RBMS3: variants seen among roughly 807,000 people sequenced by gnomAD.
The protein encoded by RBMS3 is RNA-binding motif, single-stranded-interacting protein 3.
Under a neutral mutation model 66.8 loss-of-function variants are expected in RBMS3, and 27 were observed. The observed-to-expected ratio is 0.40, with a 90% CI of 0.30 to 0.56. The LOEUF is 0.56. Ranked by LOEUF, RBMS3 falls within the 20% of genes least tolerant of loss-of-function variation. The pLI is 0.40. For synonymous variants in RBMS3, 188 were observed against 183.0 expected (o/e 1.03, Z -0.22); for missense variants, 513 against 549.5 (o/e 0.93, Z 0.66).
At chr3:29,692,434 C>T (rs2052067741) in intron 4 of RBMS3, among the ~76,000 whole-genome samples, 2 of 152,040 alleles carry the variant, frequency 1.3e-5, no homozygotes, top group East Asian at 3.9e-4. Flanking sequence ...TAACAATAAG[C>T]ATTATTATGC....
At chr3:29,761,023 ACT>A (rs202092410) in intron 5 of RBMS3, among the ~76,000 whole-genome samples, 2 of 148,078 alleles carry the variant, frequency 1.4e-5, no homozygotes, top group East Asian at 1.9e-4. Context: ...AGTTTCCTAC[ACT>A]CTCTTGTCAT....
At chr3:29,685,151 C>T (rs560902521) in intron 4 of RBMS3, among the ~76,000 whole-genome samples, 25 of 152,164 alleles carry the variant, frequency 1.6e-4, no homozygotes, top group Non-Finnish European at 1.5e-4. Flanking sequence ...CTCCGCCTCC[C>T]GGGTTCACAC....
At chr3:29,461,290 A>G (rs1463769705) in intron 2 of RBMS3, among the ~76,000 whole-genome samples, 1 of 152,210 alleles carries the variant, frequency 6.6e-6, no homozygotes, top group Non-Finnish European at 1.5e-5. Flanking sequence ...TCAAAGATGT[A>G]TGCTTGGCCT....
intron 6 of RBMS3, among the ~76,000 whole-genome samples, chr3:29,863,294 C>G (rs2059264480): frequency 6.6e-6 from 1 of 150,818 alleles, no homozygotes; most frequent in African/African-American, 2.5e-5. Flanking sequence ...GTGCAGCACA[C>G]CAACATGGCA....
chr3:29,527,181 T>TA (rs538907247), intron 3 of RBMS3, among the ~76,000 whole-genome samples: 1,452 of 87,722 alleles, frequency 0.017, 42 homozygotes, highest in South Asian at 0.031. Flanking sequence ...TTAGGTAGAG[T>TA]AAAAAAAAAA....
At chr3:29,462,995 T>C (rs896973795) in intron 2 of RBMS3, among the ~76,000 whole-genome samples, 1 of 152,210 alleles carries the variant, frequency 6.6e-6, no homozygotes. Flanking sequence ...ATGCTATTGT[T>C]AGGAATTTTT....
chr3:29,296,225 G>A (rs933280494), intron 1 of RBMS3, among the ~76,000 whole-genome samples: 2 of 151,800 alleles, frequency 1.3e-5, no homozygotes, highest in African/African-American at 4.8e-5. Context: ...AAAGTAAAAA[G>A]GGCAGCAGCA....
At chr3:29,450,953 G>C (rs1437275574) in intron 2 of RBMS3, among the ~76,000 whole-genome samples, 1 of 151,264 alleles carries the variant, frequency 6.6e-6, no homozygotes, top group African/African-American at 2.4e-5. Flanking sequence ...CACACATGGT[G>C]TCTATATGCT....
At chr3:29,619,229 C>T (rs1419598961) in intron 4 of RBMS3, among the ~76,000 whole-genome samples, 1 of 148,278 alleles carries the variant, frequency 6.7e-6, no homozygotes, top group East Asian at 2.0e-4. Context: ...ATAAGTATAC[C>T]TATGTGACAA....
intron 6 of RBMS3, among the ~76,000 whole-genome samples, chr3:29,867,201 T>A (rs950712566): frequency 5.3e-5 from 8 of 152,028 alleles, no homozygotes; most frequent in Non-Finnish European, 1.5e-5. Flanking sequence ...TCCTTAAAAA[T>A]GTTTAACTTT....
intron 6 of RBMS3, among the ~76,000 whole-genome samples, chr3:29,825,665 G>T (rs1395947368): frequency 6.6e-6 from 1 of 152,132 alleles, no homozygotes; most frequent in Non-Finnish European, 1.5e-5. Flanking sequence ...GTGGAACTGT[G>T]AGTCAATTAA....
Position 29,927,958 on chromosome 3 carries a change from G to A in RBMS3, c.940-8128G>A, listed in dbSNP as rs187114082. Among the ~76,000 whole-genome samples the A allele has an allele frequency of 3.3e-5, 5 of 152,066 alleles. No homozygotes were observed. In the East Asian group the frequency reaches 9.7e-4, roughly 29 times the overall value. Reference sequence around the variant, plus strand: ...CAGGAATAGAAAAATGTCTTGTCCTGTCACTGAACTGTCCTATCTACTCTT... The same window carrying A: ...CAGGAATAGAAAAATGTCTTGTCCTATCACTGAACTGTCCTATCTACTCTT... On this transcript the variant is annotated intron_variant, in intron 10 of 14. Transcript: ENST00000383767.
intron 1 of RBMS3, among the ~76,000 whole-genome samples, chr3:29,291,843 C>T (rs903121143): frequency 6.6e-6 from 1 of 151,710 alleles, no homozygotes; most frequent in Middle Eastern, 3.2e-3. Context: ...CTATCACTCT[C>T]ACAAGTGGTT....
chr3:29,739,658 C>T (rs1033216008), intron 4 of RBMS3, 62 bp from the exon 5 acceptor site: 2 of 1,391,470 alleles, frequency 1.4e-6, no homozygotes, highest in Admixed American at 5.0e-5. Context: ...AAAAGTTTCT[C>T]TATTTGTACA....
At chr3:29,479,098 AAATAT>A (rs2043046873) in intron 2 of RBMS3, among the ~76,000 whole-genome samples, 1 of 152,202 alleles carries the variant, frequency 6.6e-6, no homozygotes, top group African/African-American at 2.4e-5. Context: ...AATTGAATTT[AAATAT>A]AAGCAATATA....
intron 12 of RBMS3, 30 bp downstream of exon 12, chr3:29,944,284 G>T (rs766952854): frequency 1.3e-6 from 2 of 1,540,026 alleles, no homozygotes; most frequent in South Asian, 1.1e-5. Context: ...TTTAAGACTG[G>T]ATTGGAGGGG....
intron 5 of RBMS3, among the ~76,000 whole-genome samples, chr3:29,760,659 T>A (rs1291582642): frequency 2.8e-5 from 4 of 144,112 alleles, no homozygotes; most frequent in Non-Finnish European, 3.0e-5. Context: ...ATTTTCTACT[T>A]AAAAAAAAAA....
chr3:29,971,947 A>G (rs1346246737), intron 12 of RBMS3, among the ~76,000 whole-genome samples: 1 of 152,184 alleles, frequency 6.6e-6, no homozygotes, highest in Non-Finnish European at 1.5e-5. Flanking sequence ...TAGCAAGAAA[A>G]TGCTCTTAAC....
At chr3:29,689,516 T>G (rs2051881870) in intron 4 of RBMS3, among the ~76,000 whole-genome samples, 1 of 152,138 alleles carries the variant, frequency 6.6e-6, no homozygotes, top group African/African-American at 2.4e-5. Context: ...CAAGAGTTGA[T>G]AATTTGTGAG....
Sources: gnomAD v4.1 joint callset for allele counts (sites outside exome capture counted in the v4.1 genomes callset) on GRCh38, gnomAD v4.1.1 for gene constraint, MANE v1.5 for transcripts, NCBI Gene and HGNC (gene_info 2026-07-23, HGNC 2026-07-21) for gene names.